The following CNTN5 variants were observed in gnomAD, a reference collection of about 807,000 sequenced individuals.
The protein encoded by CNTN5 is contactin-5.
A neutral mutation model predicts 129.1 loss-of-function variants in CNTN5; 77 were observed. That is an observed-to-expected ratio of 0.60 (90% CI 0.50 to 0.72). The LOEUF is 0.72. Among genes scored for constraint, CNTN5 ranks in the 30% least tolerant of loss-of-function variants. The probability of loss-of-function intolerance (pLI) is 0.00; values close to 1 mark genes in which losing one functional copy is unlikely to be tolerated. For missense variants in CNTN5, 1,478 were observed against 1,328.8 expected (o/e 1.11, Z -1.75); for synonymous variants, 509 against 465.6 (o/e 1.09, Z -1.20).
intron 1 of CNTN5, among the ~76,000 whole-genome samples, chr11:99,297,415 C>T (rs1864437813): frequency 6.6e-6 from 1 of 152,094 alleles, no homozygotes. Flanking sequence ...ATCCTGTCAC[C>T]CACAGCCATC....
Position 99,245,618 on chromosome 11 carries a change from G to A in CNTN5, c.-209-79728G>A, listed in dbSNP as rs910164521. 3.3e-5 allele frequency among the ~76,000 whole-genome samples: 5 copies of A among 152,244 alleles called. No homozygotes were observed. In the South Asian group the frequency reaches 1.0e-3, roughly 32 times the overall value. On this transcript the variant is annotated intron_variant, in intron 1 of 24. Transcript: ENST00000524871. ...TTACAGGCGTGAGCCACAGTGCCTG[G>A]CTCATTGCATAAACATTTATATATG... is the stretch of plus-strand genomic sequence containing the variant.
chr11:99,676,641 G>A (rs1953296707), intron 3 of CNTN5, among the ~76,000 whole-genome samples: 1 of 152,026 alleles, frequency 6.6e-6, no homozygotes, highest in African/African-American at 2.4e-5. Context: ...TAATTTGGTA[G>A]TCGTTAAGAA....
At chr11:99,931,731 A>T (rs1294043494) in intron 7 of CNTN5, among the ~76,000 whole-genome samples, 8 of 152,238 alleles carry the variant, frequency 5.3e-5, no homozygotes, top group African/African-American at 1.9e-4. Context: ...AGTATGTTAA[A>T]TGCAGACAAG....
intron 13 of CNTN5, among the ~76,000 whole-genome samples, chr11:100,129,359 G>C (rs1946301359): frequency 6.6e-6 from 1 of 151,994 alleles, no homozygotes; most frequent in Non-Finnish European, 1.5e-5. Context: ...TTGACCAATG[G>C]GCCAGTAAAC....
At chr11:99,074,019 C>T (rs1258589483) in intron 1 of CNTN5, among the ~76,000 whole-genome samples, 3 of 152,138 alleles carry the variant, frequency 2.0e-5, no homozygotes, top group Non-Finnish European at 2.9e-5. Context: ...CCAGTTTCTC[C>T]ACAACCTCAT....
intron 16 of CNTN5, among the ~76,000 whole-genome samples, chr11:100,237,445 A>G (rs1205222813): frequency 2.0e-5 from 3 of 152,192 alleles, no homozygotes; most frequent in Non-Finnish European, 4.4e-5. Context: ...TTCACTGAAC[A>G]ATACAAAATC....
At chr11:99,916,839 C>T (rs1049897927) in intron 7 of CNTN5, among the ~76,000 whole-genome samples, 1 of 151,820 alleles carries the variant, frequency 6.6e-6, no homozygotes, top group Admixed American at 6.6e-5. Flanking sequence ...TTAAGAGTGA[C>T]CAGCATCAGT....
chr11:99,162,116 G>T (rs547521193), intron 1 of CNTN5, among the ~76,000 whole-genome samples: 1 of 152,166 alleles, frequency 6.6e-6, no homozygotes, highest in South Asian at 2.1e-4. Flanking sequence ...GAAAGAAAAT[G>T]TATGTCTGCC....
intron 7 of CNTN5, among the ~76,000 whole-genome samples, chr11:99,932,443 T>A (rs997543809): frequency 6.6e-6 from 1 of 152,124 alleles, no homozygotes; most frequent in Non-Finnish European, 1.5e-5. Flanking sequence ...TCGACCCACC[T>A]CAGCCTCCCA....
At chr11:99,648,244 T>C (rs571919760) in intron 3 of CNTN5, among the ~76,000 whole-genome samples, 2 of 152,130 alleles carry the variant, frequency 1.3e-5, no homozygotes, top group East Asian at 3.9e-4. Context: ...TTGCATATCA[T>C]GAACTAGCCT....
intron 3 of CNTN5, among the ~76,000 whole-genome samples, chr11:99,638,376 T>G (rs977622173): frequency 6.6e-6 from 1 of 152,044 alleles, no homozygotes; most frequent in Non-Finnish European, 1.5e-5. Flanking sequence ...CCAAACCATA[T>G]CATTCTGCCC....
intron 1 of CNTN5, among the ~76,000 whole-genome samples, chr11:99,105,787 A>T (rs1866966952): frequency 6.6e-6 from 1 of 152,206 alleles, no homozygotes; most frequent in Admixed American, 6.5e-5. Flanking sequence ...GAAAGAAAAC[A>T]GAATTAATAA....
At chr11:99,825,997 T>C (rs74475919) in intron 4 of CNTN5, among the ~76,000 whole-genome samples, 2,362 of 152,282 alleles carry the variant, frequency 0.016, 54 homozygotes, top group African/African-American at 0.052. Flanking sequence ...TCTTCATTTC[T>C]ACACTTTTTT....
At chr11:100,171,685 C>T (rs1016567973) in intron 13 of CNTN5, among the ~76,000 whole-genome samples, 3 of 151,974 alleles carry the variant, frequency 2.0e-5, no homozygotes, top group Admixed American at 6.6e-5. Flanking sequence ...AGTGCAAAGT[C>T]ACTCTGAAAG....
chr11:99,511,761 T>A (rs958463419), intron 2 of CNTN5, among the ~76,000 whole-genome samples: 1 of 152,054 alleles, frequency 6.6e-6, no homozygotes, highest in African/African-American at 2.4e-5. Context: ...GCATGGCACA[T>A]GTATACATAT....
intron 3 of CNTN5, among the ~76,000 whole-genome samples, chr11:99,777,841 G>A (rs1038178820): frequency 1.3e-5 from 2 of 151,604 alleles, no homozygotes; most frequent in South Asian, 2.1e-4. Flanking sequence ...ACATATGTAC[G>A]ATTTTACCTA....
intron 2 of CNTN5, among the ~76,000 whole-genome samples, chr11:99,491,664 T>C (rs1231404843): frequency 6.6e-6 from 1 of 152,168 alleles, no homozygotes; most frequent in African/African-American, 2.4e-5. Context: ...CATATTTCCT[T>C]GAGAAGGACT....
intron 6 of CNTN5, among the ~76,000 whole-genome samples, chr11:99,893,999 T>A (rs990781806): frequency 1.3e-4 from 19 of 147,070 alleles, no homozygotes; most frequent in African/African-American, 4.5e-4. Flanking sequence ...CTTGCCAGGG[T>A]TTTTTTTTTC....
intron 2 of CNTN5, among the ~76,000 whole-genome samples, chr11:99,540,321 T>C (rs1948056400): frequency 6.6e-6 from 1 of 152,036 alleles, no homozygotes; most frequent in Non-Finnish European, 1.5e-5. Context: ...TTGTTATTAT[T>C]TTCTTTGCTT....
Sources: gnomAD v4.1 joint callset for allele counts (sites outside exome capture counted in the v4.1 genomes callset) on GRCh38, gnomAD v4.1.1 for gene constraint, MANE v1.5 for transcripts, NCBI Gene and HGNC (gene_info 2026-07-23, HGNC 2026-07-21) for gene names.